Variants in UPF2 observed in about 807,000 individuals in gnomAD.
UPF2 encodes the protein UPF2 regulator of nonsense mediated mRNA decay.
A neutral mutation model predicts 141.4 loss-of-function variants in UPF2; 17 were observed. That is an observed-to-expected ratio of 0.12 (90% CI 0.08 to 0.18). The LOEUF is 0.18. Among genes scored for constraint, UPF2 ranks in the 10% least tolerant of loss-of-function variants. The pLI, the probability that UPF2 is intolerant of heterozygous loss-of-function variation, is 1.00. For missense variants in UPF2, 1,152 were observed against 1,515.9 expected (o/e 0.76, Z 3.99); for synonymous variants, 540 against 498.0 (o/e 1.08, Z -1.12).
intron 3 of UPF2, 103 bp downstream of exon 3, chr10:12,028,642 G>T: frequency 8.4e-7 from 1 of 1,188,718 alleles, no homozygotes. Flanking sequence ...CACCTGTAAG[G>T]AGCCCTTTTC....
At chr10:11,983,299 T>C (rs1833629837) in intron 8 of UPF2, among the ~76,000 whole-genome samples, 1 of 152,256 alleles carries the variant, frequency 6.6e-6, no homozygotes, top group African/African-American at 2.4e-5. Context: ...TGATGTTATA[T>C]ATATTAATAG....
At chr10:11,966,748 G>A (rs537499933) in intron 10 of UPF2, among the ~76,000 whole-genome samples, 1 of 152,268 alleles carries the variant, frequency 6.6e-6, no homozygotes, top group East Asian at 1.9e-4. Flanking sequence ...ATACTTCATG[G>A]CTTTGTCAAA....
intron 8 of UPF2, among the ~76,000 whole-genome samples, chr10:11,986,739 T>G (rs974631348): frequency 6.6e-6 from 1 of 152,222 alleles, no homozygotes; most frequent in African/African-American, 2.4e-5. Context: ...GACAACCAAA[T>G]GCCCTGTTGA....
chr10:11,948,273 A>G, intron 16 of UPF2, 96 bp downstream of exon 16: 2 of 934,574 alleles, frequency 2.1e-6, no homozygotes, highest in South Asian at 2.0e-5. Flanking sequence ...AAAAAAAACC[A>G]GGAGGAGGTC....
At chr10:12,039,923 A>G (rs1834706034) in intron 1 of UPF2, among the ~76,000 whole-genome samples, 1 of 152,078 alleles carries the variant, frequency 6.6e-6, no homozygotes, top group African/African-American at 2.4e-5. Flanking sequence ...GGCTGGCAGC[A>G]TGTCTCATTC....
chr10:12,001,583 T>C lies in UPF2; in HGVS notation c.1654+93A>G, dbSNP rs1229097963. 21 of 1,245,636 alleles carry C rather than the reference T, an allele frequency of 1.7e-5. No individual in the cohort carries two copies. The South Asian group carries it at 2.1e-4, about 12-fold the overall frequency. The allele number at this position is 1,245,636 out of a possible 1,614,324, so 77.2% of individuals were successfully genotyped here. A position where few individuals can be genotyped will look rare whatever the true frequency, so the allele number is the denominator to read the frequency against. ...AACAGAAAAACAAGGAATTAAAAAA[T>C]ACAGAATTAAGGAGAAAAGATCTAT... On this transcript the variant is annotated intron_variant, in intron 6 of 21. Transcript: ENST00000357604.
chr10:12,032,236 G>A (rs937290109), intron 2 of UPF2, among the ~76,000 whole-genome samples: 1 of 151,642 alleles, frequency 6.6e-6, no homozygotes, highest in African/African-American at 2.4e-5. Flanking sequence ...GGAGGTTACG[G>A]TGAGCCGAGA....
intron 9 of UPF2, among the ~76,000 whole-genome samples, chr10:11,967,977 C>G (rs987206386): frequency 1.3e-5 from 2 of 152,104 alleles, no homozygotes; most frequent in African/African-American, 4.8e-5. Context: ...GTCAGGAGTT[C>G]GAGACTGCCT....
intron 12 of UPF2, among the ~76,000 whole-genome samples, chr10:11,957,167 G>A (rs186231411): frequency 5.3e-5 from 8 of 151,970 alleles, no homozygotes; most frequent in Admixed American, 2.0e-4. Context: ...TGTGGCTCAC[G>A]CTTGTAATCC....
intron 1 of UPF2, among the ~76,000 whole-genome samples, chr10:12,039,622 C>CTTT (rs747946922): frequency 1.9e-4 from 27 of 140,820 alleles, no homozygotes; most frequent in Non-Finnish European, 2.5e-4. Flanking sequence ...CTCTCTCTCT[C>CTTT]TTTTTTTTTT....
chr10:11,996,003 T>C (rs184497510), intron 8 of UPF2, among the ~76,000 whole-genome samples: 2 of 152,242 alleles, frequency 1.3e-5, no homozygotes, highest in Non-Finnish European at 2.9e-5. Context: ...CTTGGCTCTA[T>C]GCTTCAAAGC....
chr10:12,012,501 C>T (rs943222402), intron 4 of UPF2, among the ~76,000 whole-genome samples: 2 of 152,070 alleles, frequency 1.3e-5, no homozygotes, highest in African/African-American at 2.4e-5. Context: ...AAAGTTTGGC[C>T]AGGCACAGTG....
chr10:12,028,290 T>A (rs1253019523), intron 3 of UPF2, among the ~76,000 whole-genome samples: 1 of 152,178 alleles, frequency 6.6e-6, no homozygotes, highest in Non-Finnish European at 1.5e-5. Context: ...AACTCTAATC[T>A]GAAATACCAC....
chr10:11,921,734 G>GC lies in UPF2; in HGVS notation c.3810-428dup, dbSNP rs1660649697. 6.6e-6 allele frequency among the ~76,000 whole-genome samples: 1 copy of GC among 152,142 alleles called. No individual in the cohort carries two copies. Among genetic ancestry groups the GC allele is most frequent in the Non-Finnish European group, 1.5e-5 (1 of 68,038 alleles). On this transcript the variant is annotated intron_variant, in intron 21 of 21. Transcript: ENST00000357604. The surrounding 1 kb of genome is among the most constrained non-coding windows in gnomAD (Gnocchi z 5.9). ...GGACAACTGTAGTGCTTTTTTGAGA[G>GC]CATTCATGCTCTCTACTGAGCTACA...
At chr10:11,928,697 A>C (rs562361802) in intron 21 of UPF2, 1 of 361,408 alleles carries the variant, frequency 2.8e-6, no homozygotes, top group African/African-American at 2.2e-5. Context: ...CGACAGAGCC[A>C]GACTCCGCCT....
Position 11,921,048 on chromosome 10 carries a change from GAGA to G in UPF2, c.*247_*249del, listed in dbSNP as rs780360584. Reference sequence around the variant, plus strand: ...CTCATTTCTTGACTGCCATTCTCAAGAGAAGATTAACCCTCGCGAGATTTCCAT... The same window carrying G: ...CTCATTTCTTGACTGCCATTCTCAAGAGATTAACCCTCGCGAGATTTCCAT... On this transcript the variant is annotated 3_prime_UTR_variant, in exon 22 of 22. Coordinates refer to ENST00000357604, the MANE Select transcript of UPF2 (RefSeq NM_015542.4). The surrounding 1 kb of genome is among the most constrained non-coding windows in gnomAD (Gnocchi z 5.9). The G allele has an allele frequency of 1.4e-6, 1 of 726,306 alleles. No homozygotes were observed. Among genetic ancestry groups the G allele is most frequent in the South Asian group, 1.4e-5 (1 of 73,290 alleles). 45.0% of individuals were successfully genotyped at this position (726,306 alleles called of 1,614,324 possible).
At chr10:11,928,666 G>A (rs925823434) in intron 21 of UPF2, 16 of 316,858 alleles carry the variant, frequency 5.0e-5, no homozygotes, top group Middle Eastern at 9.3e-4. Flanking sequence ...CAGAGATGGC[G>A]CCACTGCATT....
At chr10:12,005,579 A>AT (rs1414175752) in intron 4 of UPF2, among the ~76,000 whole-genome samples, 1 of 151,830 alleles carries the variant, frequency 6.6e-6, no homozygotes. Context: ...CTGAAATTTT[A>AT]TTTTTTTTAA....
At chr10:11,968,711 G>C (rs1470403917) in intron 9 of UPF2, among the ~76,000 whole-genome samples, 1 of 152,136 alleles carries the variant, frequency 6.6e-6, no homozygotes, top group African/African-American at 2.4e-5. Context: ...AAATCCTGCT[G>C]CAACAGTACA....
Sources: allele counts gnomAD v4.1 joint callset (sites outside exome capture counted in the v4.1 genomes callset), GRCh38; gene constraint gnomAD v4.1.1; non-coding constraint Gnocchi (gnomAD v3.1); transcripts MANE v1.5; gene names NCBI Gene and HGNC (gene_info 2026-07-23, HGNC 2026-07-21).